Variants in ANGPT2 observed in about 807,000 individuals in gnomAD.
ANGPT2 encodes the protein angiopoietin-2.
Under a neutral mutation model 62.9 loss-of-function variants are expected in ANGPT2, and 28 were observed. The ratio of observed to expected loss-of-function variants is 0.44; its 90% CI spans 0.33 to 0.61. ANGPT2 has a LOEUF of 0.61. Among genes scored for constraint, ANGPT2 ranks in the 20% least tolerant of loss-of-function variants. The pLI, the probability that ANGPT2 is intolerant of heterozygous loss-of-function variation, is 0.03. For missense variants in ANGPT2, 727 were observed against 594.9 expected, an observed-to-expected ratio of 1.22 and a Z score of -2.31; for synonymous variants, 284 against 207.8, an observed-to-expected ratio of 1.37 and a Z score of -3.15.
intron 1 of ANGPT2, among the ~76,000 whole-genome samples, chr8:6,549,172 A>G (rs1328451764): frequency 7.9e-5 from 12 of 152,232 alleles, no homozygotes; most frequent in Non-Finnish European, 1.2e-4. Context: ...GGGTTTGTAC[A>G]GTTGAGTGTT....
At chr8:6,534,846 A>C (rs1406143426) in intron 1 of ANGPT2, among the ~76,000 whole-genome samples, 1 of 152,108 alleles carries the variant, frequency 6.6e-6, no homozygotes, top group Non-Finnish European at 1.5e-5. Context: ...AACTTTTGTG[A>C]TTGAAATAAA....
intron 8 of ANGPT2, among the ~76,000 whole-genome samples, chr8:6,507,080 T>C (rs1813890169): frequency 6.6e-6 from 1 of 152,114 alleles, no homozygotes; most frequent in South Asian, 2.1e-4. Context: ...GTATTTTTAG[T>C]AGAGATGGGG....
chr8:6,544,822 C>T (rs914267486), intron 1 of ANGPT2, among the ~76,000 whole-genome samples: 1 of 152,136 alleles, frequency 6.6e-6, no homozygotes, highest in East Asian at 1.9e-4. Flanking sequence ...GCTGAACTGT[C>T]GACATCAGGA....
chr8:6,534,319 A>T (rs1263989712), intron 1 of ANGPT2, among the ~76,000 whole-genome samples: 1 of 152,206 alleles, frequency 6.6e-6, no homozygotes, highest in East Asian at 1.9e-4. Context: ...CCTCGAGATG[A>T]TTTAGAGTAT....
intron 1 of ANGPT2, among the ~76,000 whole-genome samples, chr8:6,533,575 T>C (rs893589809): frequency 6.4e-5 from 8 of 124,096 alleles, no homozygotes; most frequent in African/African-American, 2.6e-4. Flanking sequence ...GTTTCTTTTT[T>C]TTTTTTTTTT....
chr8:6,560,554 G>C (rs1301533071), intron 1 of ANGPT2, among the ~76,000 whole-genome samples: 1 of 152,166 alleles, frequency 6.6e-6, no homozygotes, highest in East Asian at 1.9e-4. Flanking sequence ...TCAGGTGCAC[G>C]TTGCTGAGAT....
chr8:6,556,415 G>C (rs988343545), intron 1 of ANGPT2, among the ~76,000 whole-genome samples: 3 of 152,028 alleles, frequency 2.0e-5, no homozygotes, highest in Non-Finnish European at 4.4e-5. Flanking sequence ...TTTTATAAAA[G>C]GGTTTCCGTG....
At chr8:6,540,722 G>C (rs1389984000) in intron 1 of ANGPT2, among the ~76,000 whole-genome samples, 1 of 152,250 alleles carries the variant, frequency 6.6e-6, no homozygotes, top group East Asian at 1.9e-4. Context: ...CCTTAGCTTG[G>C]GTTTCCCCAA....
Position 6,499,680 on chromosome 8 carries a change from C to G in ANGPT2, c.*3421G>C. On this transcript the variant is annotated 3_prime_UTR_variant, in exon 9 of 9. Transcript: ENST00000629816. ...TCTCAATCAACTTTTTATTAATATT[C>G]ATAACATTTATGCAACATGAAGATT... 1.7e-6 allele frequency: 1 copy of G among 595,334 alleles called. No individual in the cohort carries two copies. The highest frequency in any genetic ancestry group is 2.1e-5 in the South Asian group (1 of 48,574). 36.9% of individuals were successfully genotyped at this position (595,334 alleles called of 1,614,324 possible).
At chr8:6,522,075 G>T (rs992005191) in intron 3 of ANGPT2, among the ~76,000 whole-genome samples, 5 of 152,198 alleles carry the variant, frequency 3.3e-5, no homozygotes, top group South Asian at 2.1e-4. Flanking sequence ...GTAAATGCTG[G>T]CCGGGCGCAG....
intron 4 of ANGPT2, among the ~76,000 whole-genome samples, 172 bp downstream of exon 4, chr8:6,521,006 A>T (rs1167880044): frequency 6.6e-6 from 1 of 152,152 alleles, no homozygotes; most frequent in African/African-American, 2.4e-5. Context: ...CATAATAATT[A>T]GTATAACATA....
intron 1 of ANGPT2, among the ~76,000 whole-genome samples, chr8:6,550,631 G>A (rs1586571000): frequency 6.6e-6 from 1 of 152,180 alleles, no homozygotes; most frequent in African/African-American, 2.4e-5. Context: ...AAGTCTGTCG[G>A]CCCTCCTGAC....
At chr8:6,513,639 C>G (rs1815649135) in intron 7 of ANGPT2, 39 bp downstream of exon 7, 1 of 1,579,442 alleles carries the variant, frequency 6.3e-7, no homozygotes, top group Admixed American at 1.8e-5. Flanking sequence ...GGCCACAAAT[C>G]TTTTAATTTT....
At chr8:6,534,329 T>C (rs571547752) in intron 1 of ANGPT2, among the ~76,000 whole-genome samples, 2 of 152,316 alleles carry the variant, frequency 1.3e-5, no homozygotes, top group African/African-American at 2.4e-5. Context: ...ATTTAGAGTA[T>C]ACGAGAGGAT....
chr8:6,508,504 A>G, intron 8 of ANGPT2: 1 of 216,334 alleles, frequency 4.6e-6, no homozygotes, highest in Non-Finnish European at 8.9e-6. Context: ...TGACAGCTGG[A>G]AATTCCTTCT....
At chr8:6,527,166 A>G (rs1041999701) in intron 3 of ANGPT2, among the ~76,000 whole-genome samples, 3 of 152,178 alleles carry the variant, frequency 2.0e-5, no homozygotes, top group Admixed American at 2.0e-4. Flanking sequence ...GTATTTTTAT[A>G]ATAGATTAGC....
intron 8 of ANGPT2, 191 bp downstream of exon 8, chr8:6,508,741 A>G (rs569231221): frequency 3.9e-6 from 3 of 768,264 alleles, no homozygotes; most frequent in South Asian, 3.5e-5. Context: ...GTCTAGCTCC[A>G]TATCATATTC....
Position 6,562,779 on chromosome 8 carries a change from G to A in ANGPT2, c.156C>T (p.Asn52=), listed in dbSNP as rs755558160. The change falls in exon 1 of 9, where the codon AAC becomes AAT. Residue 52 remains asparagine, a synonymous_variant. Transcript: ENST00000629816. ...SYTFLLPEMD[N]CRSSSSPYVS... ...CGTAGGGGCTGGAGGAAGAGCGGCA[G>A]TTGTCCATCTCTGGCAGGAGGAAAG... The A allele has an allele frequency of 8.8e-5, 142 of 1,613,576 alleles. No individual in the cohort carries two copies. The highest frequency in any genetic ancestry group is 1.2e-4 in the Non-Finnish European group (137 of 1,179,930).
At chr8:6,550,832 G>A (rs1823518782) in intron 1 of ANGPT2, among the ~76,000 whole-genome samples, 1 of 152,166 alleles carries the variant, frequency 6.6e-6, no homozygotes, top group Non-Finnish European at 1.5e-5. Context: ...GTAAGCACAT[G>A]GCGTGCACCT....
Sources: allele counts gnomAD v4.1 joint callset (sites outside exome capture counted in the v4.1 genomes callset), GRCh38; gene constraint gnomAD v4.1.1; transcripts MANE v1.5; gene names NCBI Gene and HGNC (gene_info 2026-07-23, HGNC 2026-07-21).